Variants in SLC38A10 observed in about 807,000 individuals in gnomAD.
The protein encoded by SLC38A10 is solute carrier family 38 member 10.
In SLC38A10, 53 loss-of-function variants were observed where a neutral mutation model predicts 81.0. That is an observed-to-expected ratio of 0.65 (90% CI 0.53 to 0.82). SLC38A10 has a LOEUF of 0.82. Among genes scored for constraint, SLC38A10 ranks in the 40% least tolerant of loss-of-function variants. The pLI, the probability that SLC38A10 is intolerant of heterozygous loss-of-function variation, is 0.00. For missense variants in SLC38A10, 1,471 were observed against 1,545.0 expected, an observed-to-expected ratio of 0.95 and a Z score of 0.80; for synonymous variants, 665 against 655.3, an observed-to-expected ratio of 1.01 and a Z score of -0.23.
intron 1 of SLC38A10, among the ~76,000 whole-genome samples, chr17:81,293,187 GACTT>G (rs2063323524): frequency 6.6e-6 from 1 of 152,188 alleles, no homozygotes; most frequent in Non-Finnish European, 1.5e-5. Flanking sequence ...AACAGTCTTT[GACTT>G]GCAGGAGAAG....
At position 81,276,624 on chromosome 17, in the gene SLC38A10, T is replaced by G. The variant is rs1300713314; in HGVS notation, c.729+407A>C. 6.6e-6 allele frequency among the ~76,000 whole-genome samples: 1 copy of G among 152,162 alleles called. No homozygotes were observed. The highest frequency in any genetic ancestry group is 1.5e-5 in the Non-Finnish European group (1 of 68,044). Reference sequence around the variant, plus strand: ...CCAGGCTGGTCTTGAACTCCTGACCTCATGATCTGCCCACCTCGGTCTCCC... The same window carrying G: ...CCAGGCTGGTCTTGAACTCCTGACCGCATGATCTGCCCACCTCGGTCTCCC... On this transcript the variant is annotated intron_variant, in intron 7 of 15. Transcript: ENST00000374759. The surrounding 1 kb of genome is among the most constrained non-coding windows in gnomAD (Gnocchi z 4.7).
chr17:81,269,896 G>C (rs148281083), intron 10 of SLC38A10, among the ~76,000 whole-genome samples: 3 of 152,088 alleles, frequency 2.0e-5, no homozygotes, highest in Non-Finnish European at 4.4e-5. Flanking sequence ...CCTGGGAGGC[G>C]GAGGTTGCAG....
chr17:81,284,499 T>C (rs1355616021), intron 3 of SLC38A10, among the ~76,000 whole-genome samples: 3 of 152,204 alleles, frequency 2.0e-5, no homozygotes, highest in African/African-American at 4.8e-5. Context: ...TTTCATCTCA[T>C]AAATTTTTTC....
In SLC38A10 at chr17:81,245,831, C is replaced by T; in HGVS notation, c.3085G>A (p.Gly1029Ser). The T allele has an allele frequency of 6.2e-7, 1 of 1,610,928 alleles. No homozygotes were observed. Among genetic ancestry groups the T allele is most frequent in the Non-Finnish European group, 8.5e-7 (1 of 1,178,582 alleles). ...GGCTTGGCATTGTCCGGCCTCTGGC[C>T]CCCCGGGACAGCTCGTTTGAGCCCC... ...ELGLKRAVPGGQRPDNAKPNR... is the reference protein window; with the variant it reads ...ELGLKRAVPGSQRPDNAKPNR... The change falls in exon 16 of 16, where the codon GGC becomes AGC. Residue 1029 changes from glycine to serine, a missense_variant. This residue lies in a region of SLC38A10 where 751 missense variants were observed against 717.4 expected (regional missense o/e 1.05). Transcript: ENST00000374759.
chr17:81,268,338 C>A (rs1285801428), intron 10 of SLC38A10, among the ~76,000 whole-genome samples: 3 of 136,718 alleles, frequency 2.2e-5, no homozygotes, highest in African/African-American at 9.1e-5. Context: ...GAAAACAAGA[C>A]CCCAGGACAA....
Position 81,251,068 on chromosome 17 carries a change from G to A in SLC38A10, c.2065+425C>T, listed in dbSNP as rs1478089244. On this transcript the variant is annotated intron_variant, in intron 14 of 15. Transcript: ENST00000374759. ...CACCCCCAAACTGGGTCCCCTTGGG[G>A]CACAGCCTTAAAATAAACCTCCACA... 4.0e-5 allele frequency: 59 copies of A among 1,457,536 alleles called. 1 individual carries two copies. The allele number at this position is 1,457,536 out of a possible 1,614,324, so 90.3% of individuals were successfully genotyped here.
intron 2 of SLC38A10, 172 bp from the exon 3 acceptor site, chr17:81,285,067 G>A (rs1374434039): frequency 6.1e-6 from 3 of 490,130 alleles, no homozygotes; most frequent in African/African-American, 6.0e-5. Context: ...TGGATCTACT[G>A]TCTGCAAATG....
rs146035530 is a variant in SLC38A10 at position 81,287,813 on chromosome 17, C to G, written c.217+1878G>C. ...TGGCTATCAGAAATGGGGGCCTCCC[C>G]AGCCCTGGGTCACCGGTCTTCTTCC... On this transcript the variant is annotated intron_variant, in intron 2 of 15. Coordinates refer to ENST00000374759, the MANE Select transcript of SLC38A10 (RefSeq NM_001037984.3). 8.5e-5 allele frequency among the ~76,000 whole-genome samples: 13 copies of G among 152,336 alleles called. No individual in the cohort carries two copies. In the East Asian group the frequency reaches 2.5e-3, roughly 29 times the overall value.
intron 1 of SLC38A10, among the ~76,000 whole-genome samples, chr17:81,292,100 C>T (rs1030301292): frequency 4.6e-5 from 7 of 151,762 alleles, no homozygotes; most frequent in African/African-American, 1.7e-4. Context: ...AGATCTATAT[C>T]TATATCTATC....
chr17:81,252,716 C>T, intron 12 of SLC38A10, 33 bp from the exon 13 acceptor site: 7 of 1,548,208 alleles, frequency 4.5e-6, no homozygotes, highest in Non-Finnish European at 6.0e-6. Flanking sequence ...TGGGGTCAGG[C>T]TGAGGCCCCT....
rs1008622314 is a variant in SLC38A10, at chr17:81,294,994, C to A, written c.-73G>T. 2.7e-6 allele frequency: 4 copies of A among 1,484,236 alleles called. No individual in the cohort carries two copies. The highest frequency in any genetic ancestry group is 2.9e-5 in the African/African-American group (2 of 68,088). 91.9% of individuals were successfully genotyped at this position (1,484,236 alleles called of 1,614,324 possible). ...GCTGCGGCCGGCTTTGGAAGCCCAG[C>A]CCGAGGCCACGGTCACAGGTCCCAA... On this transcript the variant is annotated 5_prime_UTR_variant, in exon 1 of 16. Coordinates refer to ENST00000374759, the MANE Select transcript of SLC38A10 (RefSeq NM_001037984.3).
At position 81,280,774 on chromosome 17, in the gene SLC38A10, C is replaced by T. The variant is rs377413775; in HGVS notation, c.502-41G>A. 3.7e-5 allele frequency: 58 copies of T among 1,576,682 alleles called. No homozygotes were observed. The African/African-American group carries it at 6.3e-4, about 17-fold the overall frequency. ...GGAGAGAGCACGGGGCAGGTCAGGA[C>T]GCAGGCGGGACTCAGCATCCCGGCC... On this transcript the variant is annotated intron_variant, in intron 5 of 15. Transcript: ENST00000374759.
Position 81,277,235 on chromosome 17 carries a change from C to T in SLC38A10, c.627-102G>A. ...TCTGCAGCCCAGTGAGAGTCTCTGA[C>T]CTTCCTTCATGCAACATTCTCTGCA... On this transcript the variant is annotated intron_variant, in intron 6 of 15. Transcript: ENST00000374759. This position sits in a 1 kb window ranked among gnomAD's most constrained non-coding sequence, Gnocchi z 4.5. 2 of 1,004,192 alleles carry T rather than the reference C, an allele frequency of 2.0e-6. No individual in the cohort carries two copies. Among genetic ancestry groups the T allele is most frequent in the East Asian group, 2.6e-5 (1 of 39,058 alleles). 62.2% of individuals were successfully genotyped at this position (1,004,192 alleles called of 1,614,324 possible).
Position 81,245,797 on chromosome 17 carries a change from T to TC in SLC38A10, c.3118dup (p.Asp1040GlyfsTer36), listed in dbSNP as rs2062843487. 4 of 1,602,388 alleles carry TC rather than the reference T, an allele frequency of 2.5e-6. No individual in the cohort carries two copies. Among genetic ancestry groups the TC allele is most frequent in the Non-Finnish European group, 3.4e-6 (4 of 1,171,894 alleles). On this transcript the variant is annotated frameshift_variant, in exon 16 of 16. Transcript: ENST00000374759. LOFTEE classifies it low-confidence loss of function (END_TRUNC). Reference sequence around the variant, plus strand: ...GTCGGAGCCAGCCTGCAGTTTCAGGTCCCGGTTGGGCTTGGCATTGTCCGG... The same window carrying TC: ...GTCGGAGCCAGCCTGCAGTTTCAGGTCCCCGGTTGGGCTTGGCATTGTCCGG...
At chr17:81,247,378 A>G (rs940557768) in intron 14 of SLC38A10, 1 of 271,774 alleles carries the variant, frequency 3.7e-6, no homozygotes, top group Non-Finnish European at 6.9e-6. Flanking sequence ...ACCCGGCAGG[A>G]CCCCAGCAAG....
intron 14 of SLC38A10, chr17:81,247,682 A>AT (rs1191768116): frequency 2.6e-5 from 4 of 151,760 alleles, no homozygotes; most frequent in African/African-American, 9.7e-5. Flanking sequence ...AAAAAACAAA[A>AT]AAATAAAAAT....
chr17:81,246,340 G>A lies in SLC38A10; in HGVS notation c.2576C>T (p.Pro859Leu). The A allele has an allele frequency of 6.2e-7, 1 of 1,607,966 alleles. No homozygotes were observed. The change falls in exon 16 of 16, where the codon CCC (proline) becomes CTC (leucine). Residue 859 changes from proline (P) to leucine (L), a missense_variant. By Grantham distance (98) the Pro-to-Leu change is moderately conservative. Coordinates refer to ENST00000374759, the MANE Select transcript of SLC38A10 (RefSeq NM_001037984.3). ...GGCTTCCCTGGCGGGGTCTGGCACG[G>A]GCACCTGCTCCGGGCCCTTGGGGAG... ...KELPKGPEQVPVPDPAREAGG... is the reference protein window; with the variant it reads ...KELPKGPEQVLVPDPAREAGG...
Position 81,286,283 on chromosome 17 carries a change from C to G in SLC38A10, c.218-1388G>C, listed in dbSNP as rs996763873. 1.3e-5 allele frequency among the ~76,000 whole-genome samples: 2 copies of G among 152,202 alleles called. No individual in the cohort carries two copies. Among genetic ancestry groups the G allele is most frequent in the African/African-American group, 2.4e-5 (1 of 41,450 alleles). On this transcript the variant is annotated intron_variant, in intron 2 of 15. Coordinates refer to ENST00000374759, the MANE Select transcript of SLC38A10 (RefSeq NM_001037984.3). The surrounding 1 kb of genome is among the most constrained non-coding windows in gnomAD (Gnocchi z 6.0). ...ATTCCAAACACGAGCGCACCTTGCC[C>G]AAGAAGGTTCCGGAATATGCCTGCC...
chr17:81,271,781 T>C (rs1209219385), intron 9 of SLC38A10, among the ~76,000 whole-genome samples: 3 of 142,620 alleles, frequency 2.1e-5, no homozygotes, highest in African/African-American at 5.4e-5. Context: ...GGCTGGAGTG[T>C]AGTGGAGCGA....
Sources: allele counts gnomAD v4.1 joint callset (sites outside exome capture counted in the v4.1 genomes callset), GRCh38; gene constraint gnomAD v4.1.1; regional missense constraint gnomAD v4.1.1; non-coding constraint Gnocchi (gnomAD v3.1); transcripts MANE v1.5; gene names NCBI Gene and HGNC (gene_info 2026-07-23, HGNC 2026-07-21).